Variants in IMMP2L observed in about 807,000 individuals in gnomAD.
IMMP2L encodes the protein mitochondrial inner membrane protease subunit 2.
In IMMP2L, 18 loss-of-function variants were observed where a neutral mutation model predicts 19.3. The ratio of observed to expected loss-of-function variants is 0.93; its 90% confidence interval spans 0.64 to 1.38. The LOEUF is 1.38. Ranked by LOEUF, IMMP2L falls within the 40% of genes most tolerant of loss-of-function variation. IMMP2L has a pLI of 0.00. For synonymous variants in IMMP2L, 76 were observed against 73.0 expected (o/e 1.04, Z -0.21); for missense variants, 233 against 218.2 (o/e 1.07, Z -0.43).
chr7:110,746,194 A>G (rs1379494541), intron 5 of IMMP2L, among the ~76,000 whole-genome samples: 3 of 152,238 alleles, frequency 2.0e-5, no homozygotes, highest in Non-Finnish European at 4.4e-5. Flanking sequence ...TCAATGCAAC[A>G]AGAAGAGCTA....
chr7:111,165,212 T>C (rs1174209116), intron 3 of IMMP2L, among the ~76,000 whole-genome samples: 1 of 152,066 alleles, frequency 6.6e-6, no homozygotes. Context: ...CTTGGCATAA[T>C]GGCCTGAGGG....
intron 4 of IMMP2L, among the ~76,000 whole-genome samples, chr7:110,899,582 T>A (rs1042969154): frequency 2.0e-5 from 3 of 152,186 alleles, no homozygotes; most frequent in African/African-American, 7.2e-5. Context: ...TCAGCCTACA[T>A]GAACCTATAT....
intron 5 of IMMP2L, among the ~76,000 whole-genome samples, chr7:110,686,195 T>TA (rs2130494758): frequency 6.6e-6 from 1 of 152,200 alleles, no homozygotes; most frequent in Non-Finnish European, 1.5e-5. Flanking sequence ...CAGTACCTGC[T>TA]AAAAAGTCTT....
intron 3 of IMMP2L, among the ~76,000 whole-genome samples, chr7:111,111,534 C>T (rs1681317074): frequency 6.6e-6 from 1 of 151,790 alleles, no homozygotes; most frequent in African/African-American, 2.4e-5. Context: ...CTCATATTTC[C>T]CAAATGTTCA....
At chr7:111,436,808 C>T (rs755110498) in intron 3 of IMMP2L, among the ~76,000 whole-genome samples, 10 of 151,780 alleles carry the variant, frequency 6.6e-5, no homozygotes, top group Non-Finnish European at 1.5e-4. Flanking sequence ...GTACAGGAAG[C>T]AGATTGCTAG....
chr7:111,152,332 C>T (rs1804170980), intron 3 of IMMP2L, among the ~76,000 whole-genome samples: 1 of 151,998 alleles, frequency 6.6e-6, no homozygotes, highest in South Asian at 2.1e-4. Context: ...TTATTTAAAC[C>T]ACCTTGCCTC....
intron 2 of IMMP2L, among the ~76,000 whole-genome samples, chr7:111,515,029 T>C (rs1183026033): frequency 3.3e-5 from 5 of 152,102 alleles, no homozygotes; most frequent in Admixed American, 3.3e-4. Flanking sequence ...TAGCTCCAAT[T>C]TCTAAAGCCT....
At chr7:111,516,539 A>T (rs764497410) in intron 2 of IMMP2L, among the ~76,000 whole-genome samples, 1 of 152,140 alleles carries the variant, frequency 6.6e-6, no homozygotes, top group South Asian at 2.1e-4. Context: ...AGTGTAATAA[A>T]GTTGGTATTT....
chr7:110,806,006 G>A (rs959116829), intron 5 of IMMP2L, among the ~76,000 whole-genome samples: 10 of 151,934 alleles, frequency 6.6e-5, no homozygotes, highest in African/African-American at 2.2e-4. Context: ...AGTGGGGGAA[G>A]CCATTCATTC....
intron 5 of IMMP2L, among the ~76,000 whole-genome samples, chr7:110,882,341 C>CTT (rs1809760065): frequency 9.5e-5 from 14 of 146,970 alleles, no homozygotes; most frequent in East Asian, 2.0e-4. Context: ...TCCTTCCTTC[C>CTT]CTCCTTCCTC....
intron 5 of IMMP2L, among the ~76,000 whole-genome samples, chr7:110,885,842 T>C (rs1810166881): frequency 6.6e-6 from 1 of 152,006 alleles, no homozygotes; most frequent in Non-Finnish European, 1.5e-5. Context: ...AAAAACATTA[T>C]TCCATGGGAA....
At chr7:111,501,148 G>A (rs1265694553) in intron 2 of IMMP2L, among the ~76,000 whole-genome samples, 16 of 152,100 alleles carry the variant, frequency 1.1e-4, no homozygotes, top group South Asian at 2.1e-4. Context: ...GGAGCTGAAA[G>A]CCAAGGCTCG....
At chr7:111,431,345 T>C (rs977224536) in intron 3 of IMMP2L, among the ~76,000 whole-genome samples, 1 of 151,852 alleles carries the variant, frequency 6.6e-6, no homozygotes, top group Admixed American at 6.6e-5. Context: ...AAAGAGAAAT[T>C]GTTGTACGCT....
chr7:110,715,315 G>A (rs1320192803), intron 5 of IMMP2L, among the ~76,000 whole-genome samples: 1 of 151,856 alleles, frequency 6.6e-6, no homozygotes, highest in Non-Finnish European at 1.5e-5. Context: ...TAGCTTTGGG[G>A]TTCGTTTGTT....
At chr7:111,357,468 T>C (rs763418621) in intron 3 of IMMP2L, among the ~76,000 whole-genome samples, 6 of 152,110 alleles carry the variant, frequency 3.9e-5, no homozygotes, top group Non-Finnish European at 5.9e-5. Flanking sequence ...TGACCATAAA[T>C]GCAGTTAAAA....
intron 3 of IMMP2L, among the ~76,000 whole-genome samples, chr7:111,468,400 A>G (rs532076272): frequency 6.6e-6 from 1 of 152,288 alleles, no homozygotes; most frequent in African/African-American, 2.4e-5. Context: ...CCCATTTATT[A>G]TTATTATAGC....
chr7:111,203,900 G>T (rs933627113), intron 3 of IMMP2L, among the ~76,000 whole-genome samples: 6 of 151,950 alleles, frequency 3.9e-5, no homozygotes, highest in African/African-American at 1.5e-4. Context: ...CATTACATTG[G>T]TTACCCTTGT....
intron 3 of IMMP2L, among the ~76,000 whole-genome samples, chr7:111,422,411 G>C (rs375771484): frequency 6.6e-6 from 1 of 151,384 alleles, no homozygotes; most frequent in Non-Finnish European, 1.5e-5. Context: ...GCAGTGGTTT[G>C]TAGTTCTCCT....
intron 4 of IMMP2L, among the ~76,000 whole-genome samples, chr7:110,944,773 T>C (rs1302776166): frequency 6.6e-6 from 1 of 151,846 alleles, no homozygotes; most frequent in African/African-American, 2.4e-5. Flanking sequence ...TACAAGTGTA[T>C]GGGTGTTTGT....
Sources: gnomAD v4.1 joint callset for allele counts (sites outside exome capture counted in the v4.1 genomes callset) on GRCh38, gnomAD v4.1.1 for gene constraint, MANE v1.5 for transcripts, NCBI Gene and HGNC (gene_info 2026-07-23, HGNC 2026-07-21) for gene names.